The following NBN variants were observed in gnomAD, a reference collection of about 807,000 sequenced individuals.
NBN encodes the protein nibrin.
In NBN, 88 loss-of-function variants were observed where a neutral mutation model predicts 90.8. The ratio of observed to expected loss-of-function variants is 0.97; its 90% confidence interval spans 0.82 to 1.16. The LOEUF is 1.16. Among genes scored for constraint, NBN ranks in the 50% most tolerant of loss-of-function variants. The pLI is 0.00. For missense variants in NBN, 894 were observed against 869.6 expected, an observed-to-expected ratio of 1.03 and a Z score of -0.35; for synonymous variants, 328 against 295.1, an observed-to-expected ratio of 1.11 and a Z score of -1.14.
chr8:89,955,706 A>G (rs1011625704), intron 9 of NBN, 151 bp from the exon 10 acceptor site: 1 of 889,302 alleles, frequency 1.1e-6, no homozygotes, highest in Middle Eastern at 3.5e-4. Context: ...CCATCCCAAG[A>G]AAGCAACTCC....
chr8:89,948,612 T>A (rs1046845673), intron 11 of NBN, among the ~76,000 whole-genome samples: 3 of 152,230 alleles, frequency 2.0e-5, no homozygotes, highest in African/African-American at 7.2e-5. Context: ...CATAACATTT[T>A]ACGTCACATT....
At chr8:89,978,873 CAT>C (rs1179652881) in intron 4 of NBN, among the ~76,000 whole-genome samples, 2 of 152,158 alleles carry the variant, frequency 1.3e-5, no homozygotes, top group Non-Finnish European at 1.5e-5. Flanking sequence ...CTTAAACTCA[CAT>C]GTGAATTAAG....
rs764263689 is a variant in NBN, at chr8:89,953,465, C to A, written c.1624G>T (p.Ala542Ser). The A allele has an allele frequency of 6.2e-7, 1 of 1,613,662 alleles. No individual in the cohort carries two copies. Among genetic ancestry groups the A allele is most frequent in the East Asian group, 2.2e-5 (1 of 44,844 alleles). Residue 542 changes from alanine (A) to serine (S), a missense_variant, in exon 11 of 16, where the codon GCA becomes TCA. Coordinates refer to ENST00000265433, the MANE Select transcript of NBN (RefSeq NM_002485.5). ...TTTTTATTTGATCTTAGCTTTTCTG[C>A]AGCATGAGATTTACTGGCAGAATTT... ...VKNSASKSHA[A>S]EKLRSNKKRE... is the part of the protein sequence containing the mutation.
intron 9 of NBN, 24 bp from the exon 10 acceptor site, chr8:89,955,579 AG>A: frequency 6.2e-7 from 1 of 1,608,318 alleles, no homozygotes; most frequent in Non-Finnish European, 8.5e-7. Context: ...AAAGAATGCA[AG>A]GTAAATAATC....
At chr8:89,973,154 G>A (rs1025366531) in intron 5 of NBN, among the ~76,000 whole-genome samples, 1 of 152,188 alleles carries the variant, frequency 6.6e-6, no homozygotes, top group African/African-American at 2.4e-5. Context: ...GGCAGAAACT[G>A]TAACTTTTTT....
In NBN at chr8:89,953,260, T is replaced by C; in HGVS notation, c.1829A>G (p.Glu610Gly). Residue 610 changes from glutamate (E) to glycine (G), a missense_variant, in exon 11 of 16, where the codon GAA (glutamate) becomes GGA (glycine). Physicochemically the swap from Glu to Gly is moderately conservative, Grantham distance 98. Transcript: ENST00000265433. ...NDTFSDEAVP[E>G]SSKISQENEI... ...GTTACTTACAGATATTTTGCTACTT[T>C]CTGGTACTGCTTCATCACTGAAAGT... 6.2e-7 allele frequency: 1 copy of C among 1,611,080 alleles called. No individual in the cohort carries two copies. The highest frequency in any genetic ancestry group is 1.1e-5 in the South Asian group (1 of 91,014).
At chr8:89,966,089 T>C (rs767708157) in intron 7 of NBN, among the ~76,000 whole-genome samples, 1 of 152,332 alleles carries the variant, frequency 6.6e-6, no homozygotes, top group East Asian at 1.9e-4. Context: ...TTAATAATGC[T>C]CTACAGAAAT....
Position 89,935,489 on chromosome 8 carries a change from C to T in NBN, c.*93G>A, listed in dbSNP as rs1052276302. On this transcript the variant is annotated 3_prime_UTR_variant, in exon 16 of 16. Coordinates refer to ENST00000265433, the MANE Select transcript of NBN (RefSeq NM_002485.5). ...GGCCATAAAACATTGTAACTTAAATCGCTTCTATACACTATATATTCATAT... is the reference window on the plus strand; with the variant it reads ...GGCCATAAAACATTGTAACTTAAATTGCTTCTATACACTATATATTCATAT... 4.2e-6 allele frequency: 6 copies of T among 1,438,986 alleles called. No individual in the cohort carries two copies. Among genetic ancestry groups the T allele is most frequent in the African/African-American group, 2.8e-5 (2 of 71,090 alleles). The allele number at this position is 1,438,986 out of a possible 1,614,324, so 89.1% of individuals were successfully genotyped here.
chr8:89,971,412 T>C, intron 5 of NBN, 122 bp from the exon 6 acceptor site: 1 of 1,171,636 alleles, frequency 8.5e-7, no homozygotes, highest in Non-Finnish European at 1.1e-6. Context: ...TAGTATTTTT[T>C]TTAAGTAAGA....
chr8:89,961,930 T>C (rs576058776), intron 8 of NBN, among the ~76,000 whole-genome samples: 10 of 152,168 alleles, frequency 6.6e-5, no homozygotes, highest in Non-Finnish European at 1.3e-4. Context: ...GGGTACTGGC[T>C]GTGAGAAGGG....
intron 14 of NBN, among the ~76,000 whole-genome samples, chr8:89,941,340 A>G (rs1321108901): frequency 6.6e-6 from 1 of 152,148 alleles, no homozygotes; most frequent in East Asian, 1.9e-4. Context: ...TAAAAAGGGA[A>G]AAACAGGACT....
chr8:89,979,149 T>A (rs886381239), intron 4 of NBN, among the ~76,000 whole-genome samples: 2 of 152,104 alleles, frequency 1.3e-5, no homozygotes, highest in African/African-American at 4.8e-5. Flanking sequence ...AGCTAATTTT[T>A]AAAATTTTTT....
intron 7 of NBN, among the ~76,000 whole-genome samples, chr8:89,966,641 G>A (rs547263946): frequency 2.0e-5 from 3 of 152,254 alleles, no homozygotes; most frequent in Non-Finnish European, 2.9e-5. Context: ...TAGATTCAAT[G>A]CACTTCCTAA....
chr8:89,972,624 C>A (rs1352368001), intron 5 of NBN, among the ~76,000 whole-genome samples: 1 of 152,178 alleles, frequency 6.6e-6, no homozygotes, highest in African/African-American at 2.4e-5. Flanking sequence ...CTCTTTGAAT[C>A]CTTTTTATCC....
In NBN at chr8:89,971,173, CTGTT is replaced by C. The variant is rs587780100; in HGVS notation, c.698_701del (p.Lys233SerfsTer5). 170 of 1,611,606 alleles carry C rather than the reference CTGTT, an allele frequency of 1.1e-4. No homozygotes were observed. The highest frequency in any genetic ancestry group is 1.4e-4 in the Non-Finnish European group (166 of 1,178,564). On this transcript the variant is annotated frameshift_variant and splice_region_variant, in exon 6 of 16. Transcript: ENST00000265433. LOFTEE classifies it high-confidence loss of function. ...AAAATTTAGCTTATAACATAATTAC[CTGTT>C]TGGCATTCAAAAATATAAATGTTTT...
chr8:89,971,036 TG>T, intron 6 of NBN, 136 bp downstream of exon 6: 3 of 888,654 alleles, frequency 3.4e-6, no homozygotes, highest in Non-Finnish European at 5.1e-6. Flanking sequence ...GTCTGGTGCC[TG>T]GGGTTTTTTT....
At chr8:89,980,999 CT>C in intron 3 of NBN, 106 bp from the exon 4 acceptor site, 1 of 983,048 alleles carries the variant, frequency 1.0e-6, no homozygotes, top group Non-Finnish European at 1.5e-6. Flanking sequence ...GTTATTGTAA[CT>C]TTTATTTATT....
intron 5 of NBN, among the ~76,000 whole-genome samples, chr8:89,976,307 G>A (rs1389574727): frequency 1.3e-5 from 2 of 152,202 alleles, no homozygotes; most frequent in East Asian, 3.8e-4. Context: ...AGTCAGGGTG[G>A]TGGGAAAAAA....
chr8:89,944,582 C>G (rs563245460), intron 13 of NBN, among the ~76,000 whole-genome samples: 1 of 152,232 alleles, frequency 6.6e-6, no homozygotes, highest in Non-Finnish European at 1.5e-5. Context: ...TTTCACCAAC[C>G]CGCAAGTTGA....
Sources: allele counts gnomAD v4.1 joint callset (sites outside exome capture counted in the v4.1 genomes callset), GRCh38; gene constraint gnomAD v4.1.1; transcripts MANE v1.5; gene names NCBI Gene and HGNC (gene_info 2026-07-23, HGNC 2026-07-21).